LUC7L: variants seen among roughly 807,000 people sequenced by gnomAD.
LUC7L encodes the protein putative RNA-binding protein Luc7-like 1.
LUC7L carries 29 observed loss-of-function variants against 51.1 expected under a neutral mutation model. The ratio of observed to expected loss-of-function variants is 0.57; its 90% CI spans 0.42 to 0.77. The LOEUF (loss-of-function observed/expected upper bound fraction) is 0.77, where lower values mean the gene tolerates loss of function less well. Ranked by LOEUF, LUC7L falls within the 30% of genes least tolerant of loss-of-function variation. LUC7L has a pLI of 0.00. For missense variants in LUC7L, 403 were observed against 511.9 expected (o/e 0.79, Z 2.05); for synonymous variants, 181 against 180.7 (o/e 1.00, Z -0.01).
Position 197,991 on chromosome 16 carries a change from G to A in LUC7L, c.687+1071C>T, listed in dbSNP as rs532799431. 8.5e-5 allele frequency among the ~76,000 whole-genome samples: 13 copies of A among 152,172 alleles called. No homozygotes were observed. The South Asian group carries it at 1.7e-3, about 19-fold the overall frequency. ...TACTTAAAGTTTTTAAATGTCGGCC[G>A]GGTGCGGTGGCTCACGCCTGTGGTC... On this transcript the variant is annotated intron_variant, in intron 6 of 9. Coordinates refer to ENST00000293872, the MANE Select transcript of LUC7L (RefSeq NM_201412.3).
chr16:208,265 A>G (rs2049542121), intron 3 of LUC7L, 77 bp from the exon 4 acceptor site: 5 of 1,049,074 alleles, frequency 4.8e-6, no homozygotes, highest in Non-Finnish European at 7.3e-6. Context: ...GCTTGATAGG[A>G]AATACACTCC....
chr16:191,554 A>C (rs2049010406), intron 7 of LUC7L, among the ~76,000 whole-genome samples: 1 of 152,170 alleles, frequency 6.6e-6, no homozygotes. Context: ...CCTGCTGGTA[A>C]AACAACAAAC....
At chr16:207,070 G>A (rs1198621702) in intron 4 of LUC7L, among the ~76,000 whole-genome samples, 3 of 151,654 alleles carry the variant, frequency 2.0e-5, no homozygotes, top group Non-Finnish European at 4.4e-5. Flanking sequence ...GTGGTGGTGG[G>A]CACCTGTAGT....
At chr16:218,924 CAAAAAAAAAAAAAAA>C (rs33981903) in intron 3 of LUC7L, among the ~76,000 whole-genome samples, 7 of 38,824 alleles carry the variant, frequency 1.8e-4, no homozygotes, top group African/African-American at 8.7e-4. Flanking sequence ...AACCCTGTCT[CAAAAAAAAAAAAAAA>C]AAAAAAAAAA....
chr16:192,550 C>T (rs2049037905), intron 7 of LUC7L, among the ~76,000 whole-genome samples: 1 of 144,270 alleles, frequency 6.9e-6, no homozygotes, highest in Non-Finnish European at 1.5e-5. Flanking sequence ...GTTGCCCAGG[C>T]TAGAGTGCAG....
At chr16:212,188 G>T (rs747436042) in intron 3 of LUC7L, among the ~76,000 whole-genome samples, 3 of 152,188 alleles carry the variant, frequency 2.0e-5, no homozygotes, top group Non-Finnish European at 2.9e-5. Flanking sequence ...AACTACTCAG[G>T]AGGCTGAGGC....
rs779022595 is a variant in LUC7L, at chr16:229,331, G to A, written c.9C>T (p.Ala3=). The A allele has an allele frequency of 2.2e-5, 34 of 1,516,584 alleles. No individual in the cohort carries two copies. The East Asian group carries it at 7.3e-4, about 33-fold the overall frequency. The allele number at this position is 1,516,584 out of a possible 1,614,324, so 93.9% of individuals were successfully genotyped here. A position where few individuals can be genotyped will look rare whatever the true frequency, so the allele number is the denominator to read the frequency against. The change falls in exon 1 of 10, where the codon GCC becomes GCT. Residue 3 remains alanine (A), a synonymous_variant. Coordinates refer to ENST00000293872, the MANE Select transcript of LUC7L (RefSeq NM_201412.3). The stretch of plus-strand genomic sequence containing the variant: ...CCAGCAGGGCCCGCATCTGCGCCTG[G>A]GCGGACATGGTAGCCGGCGGAGGCG... The part of the protein sequence containing the change: MS[A]QAQMRALLDQ...
Position 206,082 on chromosome 16 carries a change from C to T in LUC7L, c.432G>A (p.Gly144=), listed in dbSNP as rs774069967. ...GKLLAKAEQL[G]AEGNVDESQK... ...GGGATTCATCCACATTACCTTCAGC[C>T]CCTAGCTGTTCGGCTTTAGCAAGGA... The change falls in exon 5 of 10, where the codon GGG becomes GGA. Residue 144 remains glycine, a synonymous_variant. Transcript: ENST00000293872. 3.1e-6 allele frequency: 5 copies of T among 1,613,808 alleles called. No homozygotes were observed. Among genetic ancestry groups the T allele is most frequent in the Non-Finnish European group, 4.2e-6 (5 of 1,179,956 alleles).
chr16:229,349 C>T lies in LUC7L; in HGVS notation c.-10G>A, dbSNP rs1329689609. On this transcript the variant is annotated 5_prime_UTR_variant, in exon 1 of 10. Coordinates refer to ENST00000293872, the MANE Select transcript of LUC7L (RefSeq NM_201412.3). The stretch of plus-strand genomic sequence containing the variant: ...GCGCCTGGGCGGACATGGTAGCCGG[C>T]GGAGGCGACGGGGTCGGCCGCGACG... The T allele has an allele frequency of 3.3e-6, 5 of 1,496,568 alleles. No individual in the cohort carries two copies. 92.7% of individuals were successfully genotyped at this position (1,496,568 alleles called of 1,614,324 possible).
rs1333860648 is a variant in LUC7L, at chr16:228,045, T to TA, written c.62-710dup. Reference sequence around the variant, plus strand: ...TTTTATGCCCGCTGTTGAAAAGTGTTAAAGGAAAAGTTTTCTTGCCCACAC... The same window carrying TA: ...TTTTATGCCCGCTGTTGAAAAGTGTTAAAAGGAAAAGTTTTCTTGCCCACAC... On this transcript the variant is annotated intron_variant, in intron 1 of 9. Transcript: ENST00000293872. 4 of 1,137,288 alleles carry TA rather than the reference T, an allele frequency of 3.5e-6. No homozygotes were observed. The African/African-American group carries it at 6.5e-5, about 19-fold the overall frequency. 70.4% of individuals were successfully genotyped at this position (1,137,288 alleles called of 1,614,324 possible). A position where few individuals can be genotyped will look rare whatever the true frequency, so the allele number is the denominator to read the frequency against.
chr16:226,535 T>C (rs1235034189), intron 2 of LUC7L, among the ~76,000 whole-genome samples: 4 of 152,230 alleles, frequency 2.6e-5, no homozygotes. Context: ...GATAGCATGT[T>C]GATTTCTTGA....
intron 6 of LUC7L, 32 bp downstream of exon 6, chr16:199,030 C>A (rs746810112): frequency 1.3e-6 from 2 of 1,566,852 alleles, no homozygotes; most frequent in South Asian, 2.3e-5. Context: ...CCCCAAGACT[C>A]CTCAGCTTTC....
chr16:196,264 C>T (rs1676376545), intron 6 of LUC7L, among the ~76,000 whole-genome samples: 1 of 151,940 alleles, frequency 6.6e-6, no homozygotes, highest in Non-Finnish European at 1.5e-5. Context: ...AAAAATGAGC[C>T]AGGCATGGTG....
At chr16:202,089 A>G (rs1013866921) in intron 5 of LUC7L, among the ~76,000 whole-genome samples, 4 of 152,068 alleles carry the variant, frequency 2.6e-5, no homozygotes, top group African/African-American at 9.7e-5. Context: ...TATGTTGCCC[A>G]GGCTGGTCTC....
chr16:215,050 G>A (rs1291590141), intron 3 of LUC7L, among the ~76,000 whole-genome samples: 1 of 151,934 alleles, frequency 6.6e-6, no homozygotes, highest in Non-Finnish European at 1.5e-5. Context: ...AGCCTGGGCA[G>A]AACAAGATCC....
rs2049048237 is a variant in LUC7L, at chr16:192,916, C to A, written c.776+11G>T. ...CAATGCAGGCCATCCAGTGCCAGCC[C>A]TCAGGCTCACCTCCTGCTCAGACGC... On this transcript the variant is annotated intron_variant, in intron 7 of 9. Transcript: ENST00000293872. 10 of 1,610,838 alleles carry A rather than the reference C, an allele frequency of 6.2e-6. No individual in the cohort carries two copies. The East Asian group carries it at 2.2e-4, about 36-fold the overall frequency.
chr16:204,315 G>A (rs1256774323), intron 5 of LUC7L, among the ~76,000 whole-genome samples: 1 of 150,976 alleles, frequency 6.6e-6, no homozygotes, highest in Non-Finnish European at 1.5e-5. Flanking sequence ...ATTAGCCATG[G>A]GCCGAGCATG....
intron 2 of LUC7L, among the ~76,000 whole-genome samples, chr16:224,293 C>A (rs1286636324): frequency 7.1e-6 from 1 of 140,592 alleles, no homozygotes; most frequent in Non-Finnish European, 1.6e-5. Flanking sequence ...CCGAGGAGGG[C>A]GGATCACCTT....
intron 3 of LUC7L, among the ~76,000 whole-genome samples, chr16:216,660 A>G (rs1366750508): frequency 1.3e-5 from 2 of 151,962 alleles, no homozygotes; most frequent in Admixed American, 6.6e-5. Flanking sequence ...GATTACAGGC[A>G]TAAGCCACCT....
Sources: allele counts gnomAD v4.1 joint callset (sites outside exome capture counted in the v4.1 genomes callset), GRCh38; gene constraint gnomAD v4.1.1; transcripts MANE v1.5; gene names NCBI Gene and HGNC (gene_info 2026-07-23, HGNC 2026-07-21).